TMEM132B: variants seen among roughly 807,000 people sequenced by gnomAD.
TMEM132B encodes the protein transmembrane protein 132B.
Under a neutral mutation model 90.8 loss-of-function variants are expected in TMEM132B, and 18 were observed. That is an observed-to-expected ratio of 0.20 (90% CI 0.14 to 0.29). TMEM132B has a LOEUF of 0.29. Ranked by LOEUF, TMEM132B falls within the 10% of genes least tolerant of loss-of-function variation. The pLI, the probability that TMEM132B is intolerant of heterozygous loss-of-function variation, is 1.00. For synonymous variants in TMEM132B, 504 were observed against 523.3 expected, an observed-to-expected ratio of 0.96 and a Z score of 0.50; for missense variants, 1,096 against 1,326.8, an observed-to-expected ratio of 0.83 and a Z score of 2.70.
chr12:125,338,446 T>A (rs975664840), intron 1 of TMEM132B, among the ~76,000 whole-genome samples: 11 of 152,222 alleles, frequency 7.2e-5, no homozygotes, highest in African/African-American at 2.7e-4. Flanking sequence ...GTCGAGGAGT[T>A]GCCTTTTGAA....
Position 125,553,782 on chromosome 12 carries a change from A to C in TMEM132B, c.1294-30069A>C, listed in dbSNP as rs528794488. ...TGCTAATCTCCCTTTGTAATAGAGA[A>C]TAACAAGTCCTTTGCCAAAGTCTTG... On this transcript the variant is annotated intron_variant, in intron 4 of 8. Coordinates refer to ENST00000682704, the MANE Select transcript of TMEM132B (RefSeq NM_001366854.1). 1.2e-4 allele frequency among the ~76,000 whole-genome samples: 19 copies of C among 152,390 alleles called. No homozygotes were observed. The South Asian group carries it at 3.9e-3, about 32-fold the overall frequency.
chr12:125,402,517 A>T (rs1369589121), intron 2 of TMEM132B, among the ~76,000 whole-genome samples: 2 of 152,244 alleles, frequency 1.3e-5, no homozygotes, highest in Non-Finnish European at 2.9e-5. Flanking sequence ...CCCTGGCTTC[A>T]TTCTCTTTGT....
intron 1 of TMEM132B, among the ~76,000 whole-genome samples, chr12:125,274,525 T>C (rs1006055340): frequency 5.3e-5 from 8 of 152,252 alleles, no homozygotes; most frequent in Non-Finnish European, 1.2e-4. Flanking sequence ...TCATGGTGCA[T>C]TGTTGTTAAT....
intron 4 of TMEM132B, among the ~76,000 whole-genome samples, chr12:125,554,985 C>T (rs373722821): frequency 2.0e-5 from 3 of 152,138 alleles, no homozygotes; most frequent in Non-Finnish European, 4.4e-5. Flanking sequence ...ACTTTGCTGT[C>T]TGCATGTGAA....
intron 5 of TMEM132B, among the ~76,000 whole-genome samples, chr12:125,629,823 A>G (rs749588506): frequency 9.2e-5 from 14 of 152,056 alleles, no homozygotes; most frequent in Non-Finnish European, 1.3e-4. Context: ...TTGTATACTC[A>G]GTTTTTTGAA....
At chr12:125,232,284 T>C (rs560246554) in intron 1 of TMEM132B, among the ~76,000 whole-genome samples, 43 of 152,236 alleles carry the variant, frequency 2.8e-4, no homozygotes, top group Admixed American at 1.3e-3. Flanking sequence ...TAGATTCTTT[T>C]GTTTAATTCT....
chr12:125,468,524 C>T (rs1380022980), intron 3 of TMEM132B, among the ~76,000 whole-genome samples: 1 of 152,206 alleles, frequency 6.6e-6, no homozygotes, highest in Non-Finnish European at 1.5e-5. Context: ...TGAAGAGACT[C>T]TTCTTTCCCC....
chr12:125,549,773 G>A (rs1413052207), intron 4 of TMEM132B, among the ~76,000 whole-genome samples: 1 of 152,170 alleles, frequency 6.6e-6, no homozygotes. Flanking sequence ...AGCCTTTCAA[G>A]TATGTTAGTT....
intron 2 of TMEM132B, among the ~76,000 whole-genome samples, chr12:125,373,000 C>A (rs558091179): frequency 6.6e-6 from 1 of 152,368 alleles, no homozygotes; most frequent in South Asian, 2.1e-4. Context: ...TTTTCCCCGA[C>A]CATCCCTATG....
At chr12:125,557,905 G>T (rs1322040184) in intron 4 of TMEM132B, among the ~76,000 whole-genome samples, 2 of 152,114 alleles carry the variant, frequency 1.3e-5, no homozygotes, top group African/African-American at 4.8e-5. Flanking sequence ...GCTGGAGATG[G>T]TTAGAGTTAG....
chr12:125,425,192 C>A (rs1015817846), intron 3 of TMEM132B, among the ~76,000 whole-genome samples: 6 of 152,128 alleles, frequency 3.9e-5, no homozygotes, highest in African/African-American at 1.4e-4. Context: ...CAAGTGAGAA[C>A]TAAATCTTGG....
At chr12:125,235,576 C>G (rs1348522434) in intron 1 of TMEM132B, among the ~76,000 whole-genome samples, 1 of 151,978 alleles carries the variant, frequency 6.6e-6, no homozygotes, top group African/African-American at 2.4e-5. Context: ...AAAACACTTT[C>G]ATCCCCCAAA....
rs751091764 is a variant in TMEM132B, at chr12:125,460,680, TA to T, written c.1106+45007del. On this transcript the variant is annotated intron_variant, in intron 3 of 8. Coordinates refer to ENST00000682704, the MANE Select transcript of TMEM132B (RefSeq NM_001366854.1). This position sits in a 1 kb window ranked among gnomAD's most constrained non-coding sequence, Gnocchi z 4.4. ...CATAGACCAGAGTCAAAGGATGAAATAAAACAGTTGATTCCAGACCACTGGG... is the reference window on the plus strand; with the variant it reads ...CATAGACCAGAGTCAAAGGATGAAATAAACAGTTGATTCCAGACCACTGGG... Among the ~76,000 whole-genome samples, 1 of 152,080 alleles carries T rather than the reference TA, an allele frequency of 6.6e-6. No homozygotes were observed. The highest frequency in any genetic ancestry group is 1.5e-5 in the Non-Finnish European group (1 of 68,022).
intron 5 of TMEM132B, among the ~76,000 whole-genome samples, chr12:125,628,127 C>G (rs1435097623): frequency 1.3e-5 from 2 of 152,240 alleles, no homozygotes; most frequent in East Asian, 1.9e-4. Context: ...GCAGATATCT[C>G]TTTGAAGTAA....
At chr12:125,332,138 A>G (rs2136206048) in intron 1 of TMEM132B, among the ~76,000 whole-genome samples, 1 of 152,366 alleles carries the variant, frequency 6.6e-6, no homozygotes, top group South Asian at 2.1e-4. Context: ...AAATGTCTAA[A>G]GAGCTAATAC....
At chr12:125,523,202 A>G (rs1219035859) in intron 4 of TMEM132B, among the ~76,000 whole-genome samples, 1 of 152,172 alleles carries the variant, frequency 6.6e-6, no homozygotes, top group Non-Finnish European at 1.5e-5. Context: ...TTAAAAACCT[A>G]CAGATTTATT....
intron 2 of TMEM132B, among the ~76,000 whole-genome samples, chr12:125,376,947 C>G (rs556598532): frequency 1.1e-4 from 16 of 152,220 alleles, no homozygotes; most frequent in Non-Finnish European, 2.1e-4. Context: ...AACCCTCCCA[C>G]GGTTTCTCCA....
chr12:125,571,863 G>C (rs1169331097), intron 4 of TMEM132B, among the ~76,000 whole-genome samples: 1 of 152,202 alleles, frequency 6.6e-6, no homozygotes, highest in East Asian at 1.9e-4. Context: ...AATGCAAAGT[G>C]TTATCTTGTT....
intron 2 of TMEM132B, among the ~76,000 whole-genome samples, chr12:125,413,529 A>G (rs557906907): frequency 7.2e-4 from 109 of 152,168 alleles, no homozygotes; most frequent in Admixed American, 1.3e-3. Context: ...GTCCCTGGAA[A>G]CCACCAGTCT....
Sources: allele counts gnomAD v4.1 joint callset (sites outside exome capture counted in the v4.1 genomes callset), GRCh38; gene constraint gnomAD v4.1.1; non-coding constraint Gnocchi (gnomAD v3.1); transcripts MANE v1.5; gene names NCBI Gene and HGNC (gene_info 2026-07-23, HGNC 2026-07-21).